Variants in TLL1 observed in about 807,000 individuals in gnomAD.
TLL1 encodes the protein tolloid-like protein 1.
A neutral mutation model predicts 128.2 loss-of-function variants in TLL1; 49 were observed. The ratio of observed to expected loss-of-function variants is 0.38; its 90% CI spans 0.30 to 0.48. The LOEUF (loss-of-function observed/expected upper bound fraction) is 0.48. TLL1 is among the 20% of genes least tolerant of loss of function. TLL1 has a pLI of 0.96. For missense variants in TLL1, 1,123 were observed against 1,242.0 expected (o/e 0.90, Z 1.44); for synonymous variants, 454 against 418.8 (o/e 1.08, Z -1.03).
intron 19 of TLL1, among the ~76,000 whole-genome samples, chr4:166,098,321 C>A (rs958659219): frequency 9.9e-6 from 1 of 100,970 alleles, no homozygotes; most frequent in East Asian, 3.1e-4. Context: ...GGTGATAGAG[C>A]GAGAGTTCTT....
chr4:165,939,670 C>T (rs1267041803), intron 1 of TLL1, among the ~76,000 whole-genome samples: 2 of 152,026 alleles, frequency 1.3e-5, no homozygotes, highest in African/African-American at 4.8e-5. Context: ...TTCTTCACCT[C>T]TGCTGGGCCA....
chr4:165,923,714 C>T (rs145426934), intron 1 of TLL1, among the ~76,000 whole-genome samples: 1 of 152,010 alleles, frequency 6.6e-6, no homozygotes, highest in African/African-American at 2.4e-5. Context: ...GGATTACAGG[C>T]GTGAGCCACT....
intron 5 of TLL1, 123 bp from the exon 6 acceptor site, chr4:166,003,268 T>G: frequency 2.2e-6 from 2 of 919,820 alleles, no homozygotes; most frequent in Non-Finnish European, 3.5e-6. Context: ...AATAAGAGGT[T>G]GTTCTGTTCC....
chr4:165,944,888 A>G (rs1734174680), intron 1 of TLL1, among the ~76,000 whole-genome samples: 1 of 152,158 alleles, frequency 6.6e-6, no homozygotes, highest in African/African-American at 2.4e-5. Context: ...CCAAGTAGAG[A>G]TATCAATTAG....
At chr4:165,972,798 C>T (rs987665929) in intron 1 of TLL1, among the ~76,000 whole-genome samples, 24 of 152,050 alleles carry the variant, frequency 1.6e-4, no homozygotes, top group African/African-American at 5.6e-4. Context: ...TCCATAATAC[C>T]ACCTTCTACC....
intron 1 of TLL1, among the ~76,000 whole-genome samples, chr4:165,892,328 G>A (rs1731464187): frequency 6.6e-6 from 1 of 152,124 alleles, no homozygotes; most frequent in Admixed American, 6.6e-5. Flanking sequence ...CAGTTACAGG[G>A]CCTCAAAGGA....
At chr4:166,082,700 T>G (rs148941745) in intron 18 of TLL1, among the ~76,000 whole-genome samples, 52 of 152,198 alleles carry the variant, frequency 3.4e-4, no homozygotes, top group African/African-American at 1.3e-3. Flanking sequence ...TTTTTGGAGG[T>G]GGAGTCTCGC....
intron 1 of TLL1, among the ~76,000 whole-genome samples, chr4:165,902,010 G>C (rs572982280): frequency 6.6e-6 from 1 of 152,116 alleles, no homozygotes; most frequent in Admixed American, 6.5e-5. Context: ...GGGTTCTGCC[G>C]AGTTCGAACT....
intron 2 of TLL1, among the ~76,000 whole-genome samples, chr4:165,990,761 A>G (rs1736602104): frequency 6.6e-6 from 1 of 152,030 alleles, no homozygotes; most frequent in Non-Finnish European, 1.5e-5. Flanking sequence ...AAATTTATTT[A>G]AAGTAGGGAG....
chr4:165,888,656 C>A (rs1277689553), intron 1 of TLL1, among the ~76,000 whole-genome samples: 2 of 152,026 alleles, frequency 1.3e-5, no homozygotes, highest in Non-Finnish European at 2.9e-5. Flanking sequence ...GAATGCAGAC[C>A]TATTACCTAT....
In TLL1 at chr4:166,003,488, C is replaced by A; in HGVS notation, c.730C>A (p.His244Asn). The A allele has an allele frequency of 6.2e-7, 1 of 1,613,970 alleles. No homozygotes were observed. The highest frequency in any genetic ancestry group is 8.5e-7 in the Non-Finnish European group (1 of 1,179,956). Residue 244 changes from histidine (H) to asparagine (N), a missense_variant, in exon 6 of 21, where the codon CAT (histidine) becomes AAT (asparagine). By Grantham distance (68) the His-to-Asn change is moderately conservative. Coordinates refer to ENST00000061240, the MANE Select transcript of TLL1 (RefSeq NM_012464.5). ...TGGGATTGTTGTTCATGAATTGGGT[C>A]ATGTGATAGGCTTTTGGCATGAACA... ...KFGIVVHELGHVIGFWHEHTR... is the reference protein window; with the variant it reads ...KFGIVVHELGNVIGFWHEHTR...
intron 12 of TLL1, among the ~76,000 whole-genome samples, chr4:166,051,003 A>G (rs1739695664): frequency 6.6e-6 from 1 of 152,168 alleles, no homozygotes; most frequent in Non-Finnish European, 1.5e-5. Context: ...AGAGCTTACT[A>G]TCACTTTCCC....
At position 166,054,646 on chromosome 4, in the gene TLL1, A is replaced by G. The variant is rs10010327; in HGVS notation, c.1525-430A>G. 8.8e-4 allele frequency among the ~76,000 whole-genome samples: 126 copies of G among 143,654 alleles called. 1 individual carries two copies. The highest frequency in any genetic ancestry group is 3.1e-3 in the African/African-American group (118 of 38,648). The allele number at this position is 143,654 out of a possible 152,430, so 94.2% of individuals were successfully genotyped here. On this transcript the variant is annotated intron_variant, in intron 12 of 20. Transcript: ENST00000061240. ...TGATCTCATTGTTCAATTCCCACCT[A>G]TGAGTGAGAATATGCAGCAATTTTT...
intron 1 of TLL1, among the ~76,000 whole-genome samples, chr4:165,927,202 A>G (rs910015157): frequency 6.6e-6 from 1 of 152,228 alleles, no homozygotes; most frequent in Admixed American, 6.5e-5. Context: ...TGGAAGATAT[A>G]TACTAAAAGC....
chr4:165,939,091 A>C (rs1733887163), intron 1 of TLL1, among the ~76,000 whole-genome samples: 1 of 152,016 alleles, frequency 6.6e-6, no homozygotes. Context: ...AAGTGCAGAA[A>C]ATCTGATCAG....
At chr4:166,056,291 C>A (rs1437839800) in intron 13 of TLL1, among the ~76,000 whole-genome samples, 1 of 151,870 alleles carries the variant, frequency 6.6e-6, no homozygotes, top group Non-Finnish European at 1.5e-5. Flanking sequence ...TGCATAATTT[C>A]TTCAGAGGAT....
rs187354868 is a variant in TLL1, at chr4:166,035,294, T to C, written c.1159-4045T>C. 2.6e-5 allele frequency among the ~76,000 whole-genome samples: 4 copies of C among 152,316 alleles called. No homozygotes were observed. The South Asian group carries it at 6.2e-4, about 24-fold the overall frequency. ...ATGTTTGTATGTTTCAGAGCATAGATGGAATAAGGAAATGGAGTAATACCT... is the reference window on the plus strand; with the variant it reads ...ATGTTTGTATGTTTCAGAGCATAGACGGAATAAGGAAATGGAGTAATACCT... On this transcript the variant is annotated intron_variant, in intron 9 of 20. Coordinates refer to ENST00000061240, the MANE Select transcript of TLL1 (RefSeq NM_012464.5).
Position 166,055,149 on chromosome 4 carries a change from T to C in TLL1, c.1598T>C (p.Ile533Thr), listed in dbSNP as rs1739944085. ...RDGTSENSPL[I>T]GRFCGYDKPE... ...GGAACCAGTGAAAATAGCCCTTTGA[T>C]AGGGCGTTTCTGTGGTTATGACAAA... Residue 533 changes from isoleucine (I) to threonine (T), a missense_variant, in exon 13 of 21, where the codon ATA (isoleucine) becomes ACA (threonine). By Grantham distance (89) the Ile-to-Thr change is moderately conservative. This residue lies in a region of TLL1 where 634 missense variants were observed against 672.4 expected (regional missense o/e 0.94). Coordinates refer to ENST00000061240, the MANE Select transcript of TLL1 (RefSeq NM_012464.5). The C allele has an allele frequency of 2.5e-6, 4 of 1,613,464 alleles. No homozygotes were observed. The highest frequency in any genetic ancestry group is 3.4e-6 in the Non-Finnish European group (4 of 1,179,632).
At chr4:165,970,622 T>C (rs983489352) in intron 1 of TLL1, among the ~76,000 whole-genome samples, 4 of 152,178 alleles carry the variant, frequency 2.6e-5, no homozygotes, top group Non-Finnish European at 5.9e-5. Flanking sequence ...TTCCCTTTAC[T>C]TTTTTAACCT....
Sources: allele counts gnomAD v4.1 joint callset (sites outside exome capture counted in the v4.1 genomes callset), GRCh38; gene constraint gnomAD v4.1.1; regional missense constraint gnomAD v4.1.1; transcripts MANE v1.5; gene names NCBI Gene and HGNC (gene_info 2026-07-23, HGNC 2026-07-21).